The following NCAM1 variants were observed in gnomAD, a reference collection of about 807,000 sequenced individuals.
NCAM1 encodes antigen recognized by monoclonal antibody 5.1H11.
Under a neutral mutation model 109.8 loss-of-function variants are expected in NCAM1, and 14 were observed. The ratio of observed to expected loss-of-function variants is 0.13; its 90% CI spans 0.08 to 0.20. The LOEUF (loss-of-function observed/expected upper bound fraction) is 0.20. NCAM1 is among the 10% of genes least tolerant of loss of function. NCAM1 has a pLI of 1.00. For missense variants in NCAM1, 774 were observed against 1,109.9 expected, an observed-to-expected ratio of 0.70 and a Z score of 4.30; for synonymous variants, 418 against 442.9, an observed-to-expected ratio of 0.94 and a Z score of 0.70.
intron 1 of NCAM1, among the ~76,000 whole-genome samples, chr11:113,074,420 A>T (rs543756274): frequency 5.9e-5 from 9 of 152,148 alleles, no homozygotes; most frequent in Non-Finnish European, 1.2e-4. Flanking sequence ...AAGCAACTTG[A>T]GTTCTTTATG....
intron 1 of NCAM1, among the ~76,000 whole-genome samples, chr11:113,015,778 G>A (rs1475754380): frequency 1.3e-5 from 2 of 152,004 alleles, no homozygotes; most frequent in Non-Finnish European, 2.9e-5. Context: ...GATAGCGTCA[G>A]TCCTAATTCA....
At chr11:113,202,354 G>A (rs782058571) in intron 1 of NCAM1, 25 bp from the exon 2 acceptor site, 3 of 1,598,268 alleles carry the variant, frequency 1.9e-6, no homozygotes, top group Non-Finnish European at 2.6e-6. Context: ...TTTTTGTTTT[G>A]TTTTGTTTTG....
At chr11:113,240,786 C>A in intron 14 of NCAM1, 1 of 1,613,312 alleles carries the variant, frequency 6.2e-7, no homozygotes, top group Non-Finnish European at 8.5e-7. Context: ...CTTTCTTCAG[C>A]GGCATCTGCT....
chr11:113,166,126 C>G (rs893667164), intron 1 of NCAM1, among the ~76,000 whole-genome samples: 3 of 152,260 alleles, frequency 2.0e-5, no homozygotes, highest in African/African-American at 7.2e-5. Flanking sequence ...CCACCGCGCC[C>G]GGGCAAAATT....
At chr11:113,075,506 C>T (rs17114746) in intron 1 of NCAM1, among the ~76,000 whole-genome samples, 7,895 of 152,238 alleles carry the variant, frequency 0.052, 583 homozygotes, top group Admixed American at 0.17. Flanking sequence ...TCTCACATTC[C>T]TTAGCTATCT....
intron 1 of NCAM1, among the ~76,000 whole-genome samples, chr11:112,964,966 C>T (rs1950692009): frequency 6.6e-6 from 1 of 152,270 alleles, no homozygotes; most frequent in South Asian, 2.1e-4. Flanking sequence ...CCTAGCTAAG[C>T]TTCCATTAGT....
chr11:113,084,011 A>C (rs1938968585), intron 1 of NCAM1, among the ~76,000 whole-genome samples: 1 of 152,240 alleles, frequency 6.6e-6, no homozygotes, highest in Admixed American at 6.5e-5. Context: ...GCTCCAAGTC[A>C]AGGAAATACA....
intron 1 of NCAM1, among the ~76,000 whole-genome samples, chr11:113,158,136 C>T (rs1942480018): frequency 6.6e-6 from 1 of 152,110 alleles, no homozygotes; most frequent in Non-Finnish European, 1.5e-5. Context: ...ACCACAAGTT[C>T]ATCAGACAAG....
intron 14 of NCAM1, among the ~76,000 whole-genome samples, chr11:113,236,734 TTGAAAGGAAAAAGAACC>T (rs1555118380): frequency 1.3e-5 from 2 of 152,122 alleles, no homozygotes; most frequent in African/African-American, 4.8e-5. Flanking sequence ...TCAAAACACC[TTGAAAGGAAAAAGAACC>T]TGAAAGGATT....
chr11:113,061,633 C>T (rs1473349636), intron 1 of NCAM1, among the ~76,000 whole-genome samples: 1 of 152,176 alleles, frequency 6.6e-6, no homozygotes, highest in East Asian at 1.9e-4. Context: ...TTGGTTGGCT[C>T]GCACATGGGA....
Position 113,252,799 on chromosome 11 carries a change from C to CTTTTTTTT in NCAM1, c.1829-3054_1829-3047dup, listed in dbSNP as rs33948720. 1.6e-3 allele frequency among the ~76,000 whole-genome samples: 64 copies of CTTTTTTTT among 39,714 alleles called. 15 individuals are homozygous for CTTTTTTTT. Among genetic ancestry groups the CTTTTTTTT allele is most frequent in the East Asian group, 3.0e-3 (3 of 984 alleles). 26.1% of individuals were successfully genotyped at this position (39,714 alleles called of 152,430 possible). ...TACAGGCACATGCCACTATGCCCAGCTTTTTTTTTTTTTTTTTTTTTTTTT... is the reference window on the plus strand; with the variant it reads ...TACAGGCACATGCCACTATGCCCAGCTTTTTTTTTTTTTTTTTTTTTTTTTTTTTTTTT... On this transcript the variant is annotated intron_variant, in intron 15 of 19. Coordinates refer to ENST00000316851, the MANE Select transcript of NCAM1 (RefSeq NM_181351.5).
chr11:113,225,905 C>T (rs187693344), intron 9 of NCAM1, among the ~76,000 whole-genome samples: 2,686 of 152,300 alleles, frequency 0.018, 38 homozygotes, highest in Non-Finnish European at 0.027. Context: ...CACCACCAGG[C>T]CTGCCCTACA....
At chr11:113,250,574 A>G (rs572450321) in intron 15 of NCAM1, among the ~76,000 whole-genome samples, 1 of 152,354 alleles carries the variant, frequency 6.6e-6, no homozygotes, top group African/African-American at 2.4e-5. Flanking sequence ...ACAAGTTTCA[A>G]ATTGCTTGGA....
intron 1 of NCAM1, among the ~76,000 whole-genome samples, chr11:113,100,719 T>C (rs1431437068): frequency 6.6e-6 from 1 of 151,908 alleles, no homozygotes; most frequent in Non-Finnish European, 1.5e-5. Flanking sequence ...TTTTTATGGG[T>C]AGAAGATGTG....
intron 13 of NCAM1, 89 bp from the exon 14 acceptor site, chr11:113,234,944 A>T: frequency 7.0e-7 from 1 of 1,429,750 alleles, no homozygotes; most frequent in Non-Finnish European, 9.3e-7. Flanking sequence ...TCTACAGTTA[A>T]TTTTTTCAGG....
chr11:113,055,500 G>A (rs1250758123), intron 1 of NCAM1, among the ~76,000 whole-genome samples: 1 of 152,202 alleles, frequency 6.6e-6, no homozygotes, highest in East Asian at 1.9e-4. Context: ...AAAAGATTAA[G>A]ATTGTATGGT....
At chr11:113,009,996 ACTTT>A (rs1160274308) in intron 1 of NCAM1, among the ~76,000 whole-genome samples, 3 of 151,814 alleles carry the variant, frequency 2.0e-5, no homozygotes, top group Non-Finnish European at 2.9e-5. Context: ...AAGTACTGAA[ACTTT>A]CTTTGACTTA....
intron 1 of NCAM1, among the ~76,000 whole-genome samples, chr11:113,061,792 CAGAAA>C (rs1229648854): frequency 6.6e-6 from 1 of 152,176 alleles, no homozygotes; most frequent in African/African-American, 2.4e-5. Context: ...ATGACAGTAA[CAGAAA>C]AGAAATGATT....
In NCAM1 at chr11:113,048,587, T is replaced by C. The variant is rs74575325; in HGVS notation, c.52+86923T>C. ...AGGCCTACAGTTTCTCTGATTCCCT[T>C]GGTTCTCCCTGCTTTTGCAAAATGA... is the stretch of plus-strand genomic sequence containing the variant. On this transcript the variant is annotated intron_variant, in intron 1 of 19. Coordinates refer to ENST00000316851, the MANE Select transcript of NCAM1 (RefSeq NM_181351.5). 1.5e-3 allele frequency among the ~76,000 whole-genome samples: 221 copies of C among 152,350 alleles called. 1 individual carries two copies. Among genetic ancestry groups the C allele is most frequent in the African/African-American group, 4.8e-3 (199 of 41,586 alleles).
Sources: gnomAD v4.1 joint callset for allele counts (sites outside exome capture counted in the v4.1 genomes callset) on GRCh38, gnomAD v4.1.1 for gene constraint, MANE v1.5 for transcripts, NCBI Gene and HGNC (gene_info 2026-07-23, HGNC 2026-07-21) for gene names.